GPD2: variants seen among roughly 807,000 people sequenced by gnomAD.
GPD2 encodes glycerol-3-phosphate dehydrogenase 2, also known as glycerol-3-phosphate dehydrogenase, mitochondrial.
GPD2 carries 54 observed loss-of-function variants against 82.4 expected under a neutral mutation model. That is an observed-to-expected ratio of 0.66 (90% CI 0.53 to 0.82). The LOEUF is 0.82. GPD2 is among the 40% of genes least tolerant of loss of function. The pLI, the probability that GPD2 is intolerant of heterozygous loss-of-function variation, is 0.00. For missense variants in GPD2, 748 were observed against 896.2 expected (o/e 0.83, Z 2.11); for synonymous variants, 288 against 306.1 (o/e 0.94, Z 0.62).
At chr2:156,483,727 A>G (rs1255757838) in intron 2 of GPD2, among the ~76,000 whole-genome samples, 2 of 152,248 alleles carry the variant, frequency 1.3e-5, no homozygotes, top group African/African-American at 4.8e-5. Context: ...ATCTGCAGGA[A>G]AAAAAGAAAA....
the GPD2 span, among the ~76,000 whole-genome samples, chr2:156,419,049 CTTTTTT>C: frequency 2.6e-5 from 2 of 77,200 alleles, no homozygotes; most frequent in Non-Finnish European, 5.3e-5. Context: ...TTCTTTCCTT[CTTTTTT>C]TTTTTTTTTT....
intron 8 of GPD2, among the ~76,000 whole-genome samples, chr2:156,554,136 C>G (rs1686871905): frequency 6.6e-6 from 1 of 152,210 alleles, no homozygotes; most frequent in African/African-American, 2.4e-5. Context: ...GGCAACTGTA[C>G]TTCTGGCATC....
chr2:156,544,465 G>C (rs1456163846), intron 6 of GPD2, among the ~76,000 whole-genome samples: 1 of 152,188 alleles, frequency 6.6e-6, no homozygotes, highest in Non-Finnish European at 1.5e-5. Flanking sequence ...ACAGGGAGGG[G>C]TGAAGGATTG....
At chr2:156,434,856 G>A (rs940083729), upstream of GPD2, among the ~76,000 whole-genome samples, 1 of 152,168 alleles carries the variant, frequency 6.6e-6, no homozygotes, top group Non-Finnish European at 1.5e-5. Context: ...CTGGAGTACA[G>A]TTTCTGTCAA....
chr2:156,439,529 A>AC (rs1558898785), intron 1 of GPD2, among the ~76,000 whole-genome samples: 3 of 110,874 alleles, frequency 2.7e-5, no homozygotes, highest in South Asian at 3.4e-4. Context: ...AAAAAAAAAA[A>AC]AAAAAAAAAA....
chr2:156,564,216 A>G (rs941034255), intron 9 of GPD2, among the ~76,000 whole-genome samples: 9 of 152,100 alleles, frequency 5.9e-5, no homozygotes, highest in African/African-American at 1.9e-4. Context: ...TCTAAGATAT[A>G]TTACTCTTAT....
chr2:156,425,380 A>T, the GPD2 span, among the ~76,000 whole-genome samples: 3 of 152,002 alleles, frequency 2.0e-5, no homozygotes, highest in Non-Finnish European at 4.4e-5. Context: ...CCTGACCTGC[A>T]TTTATCTTCT....
intron 6 of GPD2, among the ~76,000 whole-genome samples, chr2:156,526,448 T>C (rs1477285268): frequency 6.6e-6 from 1 of 152,166 alleles, no homozygotes; most frequent in Non-Finnish European, 1.5e-5. Context: ...ATATGCTTAG[T>C]CAGACTAAGT....
chr2:156,585,216 T>A lies in GPD2; in HGVS notation c.*2298T>A, dbSNP rs1164512041. 6.6e-6 allele frequency: 1 copy of A among 152,316 alleles called. No homozygotes were observed. The highest frequency in any genetic ancestry group is 2.4e-5 in the African/African-American group (1 of 41,386). 9.4% of individuals were successfully genotyped at this position (152,316 alleles called of 1,614,324 possible). On this transcript the variant is annotated 3_prime_UTR_variant, in exon 17 of 17. Transcript: ENST00000438166. The stretch of plus-strand genomic sequence containing the variant: ...AACCTGTACAGCTTCTTTACCTGAT[T>A]TAAGAAAGGGAGACAAGCAATAGGG...
the GPD2 span, among the ~76,000 whole-genome samples, chr2:156,426,145 G>A: frequency 1.8e-4 from 27 of 152,032 alleles, no homozygotes; most frequent in Admixed American, 3.3e-4. Context: ...GGATAGTCTC[G>A]ATCTCCTGAC....
chr2:156,558,765 C>CTTT lies in GPD2; in HGVS notation c.1165+1212_1165+1214dup, dbSNP rs34524248. Reference sequence around the variant, plus strand: ...GGTGCCCACCACCACGCCCAGCTAACTTTTTTTTTTTTTTTTTTTTTTTTT... The same window carrying CTTT: ...GGTGCCCACCACCACGCCCAGCTAACTTTTTTTTTTTTTTTTTTTTTTTTTTTT... On this transcript the variant is annotated intron_variant, in intron 9 of 16. Transcript: ENST00000438166. Among the ~76,000 whole-genome samples, 374 of 40,880 alleles carry CTTT rather than the reference C, an allele frequency of 9.1e-3. 37 individuals carry two copies. Among genetic ancestry groups the CTTT allele is most frequent in the African/African-American group, 0.038 (351 of 9,224 alleles). 26.8% of individuals were successfully genotyped at this position (40,880 alleles called of 152,430 possible).
intron 2 of GPD2, among the ~76,000 whole-genome samples, chr2:156,480,760 C>A (rs1169353942): frequency 6.7e-6 from 1 of 150,036 alleles, no homozygotes; most frequent in African/African-American, 2.4e-5. Context: ...ATATGAAAAT[C>A]AAGATCTCTC....
At chr2:156,466,330 G>A (rs114694344) in intron 1 of GPD2, among the ~76,000 whole-genome samples, 2,173 of 152,214 alleles carry the variant, frequency 0.014, 27 homozygotes, top group South Asian at 0.022. Context: ...TATAGCAATT[G>A]TATGGAAAGC....
intron 6 of GPD2, among the ~76,000 whole-genome samples, chr2:156,518,008 A>G (rs1004535165): frequency 6.6e-6 from 1 of 152,216 alleles, no homozygotes; most frequent in African/African-American, 2.4e-5. Context: ...GCTTCTAAGT[A>G]TTCCTTATGC....
chr2:156,525,594 A>C (rs1685577878), intron 6 of GPD2, among the ~76,000 whole-genome samples: 1 of 152,180 alleles, frequency 6.6e-6, no homozygotes, highest in Non-Finnish European at 1.5e-5. Context: ...TTAGTATTAC[A>C]TGGTTTTTAT....
intron 16 of GPD2, among the ~76,000 whole-genome samples, chr2:156,581,949 A>ATG (rs1048330215): frequency 6.6e-6 from 1 of 151,502 alleles, no homozygotes; most frequent in Non-Finnish European, 1.5e-5. Flanking sequence ...TATATATATA[A>ATG]TGTGTGTGTG....
chr2:156,543,212 T>C (rs964697333), intron 6 of GPD2, among the ~76,000 whole-genome samples: 1 of 152,162 alleles, frequency 6.6e-6, no homozygotes, highest in Non-Finnish European at 1.5e-5. Context: ...TCCCCCTTGA[T>C]CCCATGACCA....
chr2:156,452,977 A>C (rs1682667523), intron 1 of GPD2, among the ~76,000 whole-genome samples: 1 of 152,166 alleles, frequency 6.6e-6, no homozygotes, highest in Admixed American at 6.6e-5. Context: ...GTGTGATGAT[A>C]TTGGGGTGTG....
At chr2:156,459,367 G>C (rs540150021) in intron 1 of GPD2, among the ~76,000 whole-genome samples, 31 of 152,174 alleles carry the variant, frequency 2.0e-4, no homozygotes, top group African/African-American at 7.2e-4. Context: ...CAAAGGCAAG[G>C]GTTATGGGTC....
Sources: gnomAD v4.1 joint callset for allele counts (sites outside exome capture counted in the v4.1 genomes callset) on GRCh38, gnomAD v4.1.1 for gene constraint, MANE v1.5 for transcripts, NCBI Gene and HGNC (gene_info 2026-07-23, HGNC 2026-07-21) for gene names.